ANK3: variants seen among roughly 807,000 people sequenced by gnomAD.
ANK3 encodes the protein ankyrin-3.
In ANK3, 57 loss-of-function variants were observed where a neutral mutation model predicts 370.9. The ratio of observed to expected loss-of-function variants is 0.15; its 90% CI spans 0.12 to 0.19. The LOEUF (loss-of-function observed/expected upper bound fraction) is 0.19. ANK3 is among the 10% of genes least tolerant of loss of function. The pLI, the probability that ANK3 is intolerant of heterozygous loss-of-function variation, is 1.00. For missense variants in ANK3, 4,439 were observed against 5,302.1 expected (o/e 0.84, Z 5.06); for synonymous variants, 1,929 against 1,946.3 (o/e 0.99, Z 0.23).
chr10:60,159,807 T>C lies in ANK3; in HGVS notation c.2614+6784A>G, dbSNP rs573379656. The stretch of plus-strand genomic sequence containing the variant: ...AACACATGGAAATTAAACAATATGC[T>C]CCTGAACGACCATTATGTCAACGAA... On this transcript the variant is annotated intron_variant, in intron 23 of 43. Coordinates refer to ENST00000280772, the MANE Select transcript of ANK3 (RefSeq NM_020987.5). 5.9e-5 allele frequency among the ~76,000 whole-genome samples: 9 copies of C among 152,152 alleles called. 1 individual carries two copies. The South Asian group carries it at 1.9e-3, about 32-fold the overall frequency.
chr10:60,068,598 A>G (rs1372142625), intron 37 of ANK3, 39 bp downstream of exon 37: 1 of 1,548,800 alleles, frequency 6.5e-7, no homozygotes, highest in East Asian at 2.3e-5. Flanking sequence ...CCAGGATGTG[A>G]GCAGAGTGCT....
intron 2 of ANK3, among the ~76,000 whole-genome samples, chr10:60,493,736 G>A (rs2075583734): frequency 6.6e-6 from 1 of 151,850 alleles, no homozygotes; most frequent in South Asian, 2.1e-4. Context: ...CCCCCAAAAT[G>A]GGTTGGCTAT....
At chr10:60,717,238 A>G (rs1360422849) in intron 1 of ANK3, among the ~76,000 whole-genome samples, 1 of 152,024 alleles carries the variant, frequency 6.6e-6, no homozygotes, top group African/African-American at 2.4e-5. Context: ...GGTATAACCT[A>G]TTAGAAGGAA....
chr10:60,675,547 C>A (rs898693148), intron 1 of ANK3, among the ~76,000 whole-genome samples: 1 of 152,194 alleles, frequency 6.6e-6, no homozygotes, highest in Non-Finnish European at 1.5e-5. Flanking sequence ...CTATAGCATG[C>A]ACAAAACTGA....
intron 43 of ANK3, among the ~76,000 whole-genome samples, chr10:60,031,702 T>C (rs2073607027): frequency 2.0e-5 from 3 of 152,176 alleles, no homozygotes; most frequent in Non-Finnish European, 4.4e-5. Flanking sequence ...AGATGTTTAC[T>C]TACCTCAGAC....
intron 2 of ANK3, among the ~76,000 whole-genome samples, chr10:60,439,972 G>T (rs949070653): frequency 3.6e-4 from 55 of 152,228 alleles, no homozygotes; most frequent in African/African-American, 1.3e-3. Flanking sequence ...AATACATTCT[G>T]CACTCTGAGT....
At chr10:60,592,536 G>A (rs1294067658) in intron 2 of ANK3, among the ~76,000 whole-genome samples, 2 of 152,174 alleles carry the variant, frequency 1.3e-5, no homozygotes, top group Non-Finnish European at 2.9e-5. Context: ...AAGGCGGGTG[G>A]ATCACCTGAG....
chr10:60,392,654 C>A (rs186177548), upstream of ANK3, among the ~76,000 whole-genome samples: 1 of 152,150 alleles, frequency 6.6e-6, no homozygotes, highest in Non-Finnish European at 1.5e-5. Context: ...GTATGCCGGG[C>A]GCGGTGGCTC....
intron 18 of ANK3, among the ~76,000 whole-genome samples, chr10:60,177,225 G>C (rs1173612406): frequency 6.6e-6 from 1 of 152,152 alleles, no homozygotes; most frequent in Admixed American, 6.5e-5. Flanking sequence ...AGTGGATCCC[G>C]AGGGTTTTGT....
intron 42 of ANK3, among the ~76,000 whole-genome samples, chr10:60,046,106 G>T (rs578232144): frequency 2.6e-5 from 4 of 152,148 alleles, no homozygotes; most frequent in African/African-American, 7.2e-5. Context: ...TTGAATCAGC[G>T]CAGTGAAGAG....
intron 1 of ANK3, chr10:60,733,202 C>T (rs185421325): frequency 2.4e-6 from 3 of 1,227,260 alleles, no homozygotes; most frequent in Non-Finnish European, 3.0e-6. Flanking sequence ...CCCGCCCGCC[C>T]GGGTCCCCGC....
chr10:60,402,950 G>A (rs912695345), intron 2 of ANK3, among the ~76,000 whole-genome samples: 3 of 152,108 alleles, frequency 2.0e-5, no homozygotes, highest in African/African-American at 7.2e-5. Flanking sequence ...GTTATGCAGT[G>A]CAAGTAACTG....
rs181894122 is a variant in ANK3 at position 60,341,424 on chromosome 10, T to A, written c.114+48001A>T. ...TTTCAAGGGCACAAAACAGGCCTTA[T>A]GTTTCCCTAGATTCTTCCCAGAAGC... On this transcript the variant is annotated intron_variant, in intron 1 of 43. Transcript: ENST00000280772. Among the ~76,000 whole-genome samples the A allele has an allele frequency of 3.3e-4, 51 of 152,280 alleles. 1 individual carries two copies. Among genetic ancestry groups the A allele is most frequent in the African/African-American group, 1.1e-3 (46 of 41,570 alleles).
chr10:60,032,094 C>T (rs1471007911), intron 43 of ANK3, among the ~76,000 whole-genome samples: 3 of 151,442 alleles, frequency 2.0e-5, no homozygotes, highest in Non-Finnish European at 4.4e-5. Context: ...AATGTTACTA[C>T]AGTCTCACTC....
At chr10:60,417,572 G>A (rs141800322) in intron 2 of ANK3, among the ~76,000 whole-genome samples, 7 of 152,318 alleles carry the variant, frequency 4.6e-5, no homozygotes, top group Non-Finnish European at 7.3e-5. Flanking sequence ...TGAAGAAAAA[G>A]ATATAAGTGA....
chr10:60,325,418 T>C (rs1476461509), intron 1 of ANK3, among the ~76,000 whole-genome samples: 2 of 152,196 alleles, frequency 1.3e-5, no homozygotes, highest in Admixed American at 1.3e-4. Flanking sequence ...AACACTTAAC[T>C]GCCAGCCTGA....
intron 1 of ANK3, among the ~76,000 whole-genome samples, chr10:60,313,019 C>T (rs915010420): frequency 6.6e-6 from 1 of 152,218 alleles, no homozygotes; most frequent in African/African-American, 2.4e-5. Context: ...GGTGCTCTTG[C>T]TGGGAAGGCC....
chr10:60,230,502 C>A (rs1056346490), intron 8 of ANK3, among the ~76,000 whole-genome samples: 12 of 152,132 alleles, frequency 7.9e-5, no homozygotes, highest in African/African-American at 2.9e-4. Flanking sequence ...TTACTATCAA[C>A]AGGAACATGA....
chr10:60,115,012 G>A (rs1030753022), intron 25 of ANK3, among the ~76,000 whole-genome samples: 4 of 152,126 alleles, frequency 2.6e-5, no homozygotes, highest in South Asian at 2.1e-4. Context: ...TGGAGATTTG[G>A]GTGGCCTCAA....
Sources: gnomAD v4.1 joint callset for allele counts (sites outside exome capture counted in the v4.1 genomes callset) on GRCh38, gnomAD v4.1.1 for gene constraint, MANE v1.5 for transcripts, NCBI Gene and HGNC (gene_info 2026-07-23, HGNC 2026-07-21) for gene names.